The following TENM2 variants were observed in gnomAD, a reference collection of about 807,000 sequenced individuals.
TENM2 encodes teneurin-2.
Under a neutral mutation model 245.2 loss-of-function variants are expected in TENM2, and 52 were observed. The observed-to-expected ratio is 0.21, with a 90% confidence interval of 0.17 to 0.27. TENM2 has a LOEUF of 0.27. Ranked by LOEUF, TENM2 falls within the 10% of genes least tolerant of loss-of-function variation. The pLI, the probability that TENM2 is intolerant of heterozygous loss-of-function variation, is 1.00. For missense variants in TENM2, 3,046 were observed against 3,666.8 expected (o/e 0.83, Z 4.37); for synonymous variants, 1,363 against 1,438.9 (o/e 0.95, Z 1.19).
At chr5:167,393,836 G>A (rs1006050081) in intron 2 of TENM2, among the ~76,000 whole-genome samples, 2 of 152,228 alleles carry the variant, frequency 1.3e-5, no homozygotes, top group South Asian at 2.1e-4. Context: ...GGACAATAGC[G>A]GTAGGAAGAA....
chr5:168,258,228 G>A (rs1043213136), intron 27 of TENM2, among the ~76,000 whole-genome samples: 2 of 152,266 alleles, frequency 1.3e-5, no homozygotes, highest in Admixed American at 6.5e-5. Flanking sequence ...CAGGCCGGGT[G>A]CAGTGGCTCA....
chr5:168,074,464 C>G (rs1791287119), intron 7 of TENM2, among the ~76,000 whole-genome samples: 1 of 152,170 alleles, frequency 6.6e-6, no homozygotes, highest in African/African-American at 2.4e-5. Flanking sequence ...CACTGGCCTC[C>G]CGTCATGCAA....
the TENM2 span, among the ~76,000 whole-genome samples, chr5:167,196,381 T>A: frequency 1.3e-5 from 2 of 151,760 alleles, no homozygotes; most frequent in African/African-American, 4.8e-5. Flanking sequence ...CATCTATACC[T>A]CCATTCACTC....
chr5:167,743,583 A>G (rs1320911607), intron 2 of TENM2, among the ~76,000 whole-genome samples: 1 of 152,178 alleles, frequency 6.6e-6, no homozygotes, highest in Admixed American at 6.5e-5. Flanking sequence ...ACAATATGCA[A>G]TGGCAAACAC....
At chr5:167,007,175 A>T in the TENM2 span, among the ~76,000 whole-genome samples, 2 of 152,212 alleles carry the variant, frequency 1.3e-5, no homozygotes, top group African/African-American at 4.8e-5. This position sits in a 1 kb window ranked among gnomAD's most constrained non-coding sequence, Gnocchi z 4.2. Flanking sequence ...ATGATTTAAT[A>T]CACAGATTTC....
chr5:167,959,478 A>C (rs1026372176), intron 4 of TENM2, among the ~76,000 whole-genome samples: 2 of 151,996 alleles, frequency 1.3e-5, no homozygotes, highest in African/African-American at 4.8e-5. Context: ...CCTTTCTTCC[A>C]CTTAATCTAT....
At position 167,615,981 on chromosome 5, in the gene TENM2, G is replaced by C. The variant is rs116657160; in HGVS notation, c.502+240508G>C. ...TCATTCAAGAATAACCATGTAATCAGCTGAGCTTGCGAAGAATACACAATC... is the reference window on the plus strand; with the variant it reads ...TCATTCAAGAATAACCATGTAATCACCTGAGCTTGCGAAGAATACACAATC... On this transcript the variant is annotated intron_variant, in intron 2 of 28. Coordinates refer to ENST00000518659, the Ensembl canonical transcript of TENM2. 7.9e-3 allele frequency among the ~76,000 whole-genome samples: 1,199 copies of C among 152,244 alleles called. 17 individuals are homozygous for C. The highest frequency in any genetic ancestry group is 0.027 in the African/African-American group (1,133 of 41,552).
chr5:167,027,147 A>G, the TENM2 span, among the ~76,000 whole-genome samples: 1 of 152,210 alleles, frequency 6.6e-6, no homozygotes, highest in Non-Finnish European at 1.5e-5. Flanking sequence ...ATATGATTTT[A>G]TCCTTTGTAA....
At chr5:167,086,597 A>G in the TENM2 span, among the ~76,000 whole-genome samples, 1 of 151,962 alleles carries the variant, frequency 6.6e-6, no homozygotes, top group Admixed American at 6.6e-5. Flanking sequence ...ATTTTTTTAA[A>G]CGTAATTGGG....
intron 2 of TENM2, among the ~76,000 whole-genome samples, chr5:167,502,468 A>G (rs1213104234): frequency 6.6e-6 from 1 of 152,206 alleles, no homozygotes; most frequent in African/African-American, 2.4e-5. Context: ...CATTTTCTTT[A>G]ACTGCTATTT....
At chr5:167,891,312 G>A (rs1774738921) in intron 3 of TENM2, among the ~76,000 whole-genome samples, 1 of 152,112 alleles carries the variant, frequency 6.6e-6, no homozygotes, top group Non-Finnish European at 1.5e-5. Context: ...GTCTCCCTCT[G>A]TCACACAGGC....
chr5:167,227,273 T>C, the TENM2 span, among the ~76,000 whole-genome samples: 1 of 152,272 alleles, frequency 6.6e-6, no homozygotes, highest in East Asian at 1.9e-4. Flanking sequence ...TCTCTTAGTT[T>C]GTTATAGTAG....
intron 3 of TENM2, among the ~76,000 whole-genome samples, chr5:167,904,366 GA>G: frequency 6.6e-6 from 1 of 152,318 alleles, no homozygotes; most frequent in Non-Finnish European, 1.5e-5. Context: ...CATTGGTAAA[GA>G]AGGGATAAAG....
the TENM2 span, among the ~76,000 whole-genome samples, chr5:167,006,809 G>C: frequency 1.3e-5 from 2 of 152,200 alleles, no homozygotes; most frequent in African/African-American, 2.4e-5. Context: ...TGGGATTACA[G>C]GCATGTGCCA....
intron 2 of TENM2, among the ~76,000 whole-genome samples, chr5:167,746,321 T>C (rs1484276824): frequency 6.6e-6 from 1 of 152,200 alleles, no homozygotes; most frequent in Non-Finnish European, 1.5e-5. Context: ...GGACTTCATG[T>C]ACAAATATTC....
At chr5:167,596,256 A>G (rs1776201516) in intron 2 of TENM2, among the ~76,000 whole-genome samples, 1 of 152,202 alleles carries the variant, frequency 6.6e-6, no homozygotes, top group Admixed American at 6.5e-5. Flanking sequence ...CCTATTTTCT[A>G]GATGAAGGAA....
Position 167,754,534 on chromosome 5 carries a change from G to C in TENM2, c.503-121452G>C, listed in dbSNP as rs4869070. ...GAATGCGCACATGGTTTCAAATAAG[G>C]GTTTTCAGCCTTCTGAAACCAATTA... On this transcript the variant is annotated intron_variant, in intron 2 of 28. Transcript: ENST00000518659. 4.0e-3 allele frequency among the ~76,000 whole-genome samples: 606 copies of C among 152,012 alleles called. 30 individuals are homozygous for C. The East Asian group carries it at 0.079, about 20-fold the overall frequency.
chr5:167,504,326 C>T (rs1261062624), intron 2 of TENM2, among the ~76,000 whole-genome samples: 2 of 152,094 alleles, frequency 1.3e-5, no homozygotes, highest in South Asian at 4.1e-4. Flanking sequence ...TTAAATTGCT[C>T]CTACTACCAA....
At chr5:168,152,961 T>C (rs573967098) in intron 12 of TENM2, among the ~76,000 whole-genome samples, 13 of 152,322 alleles carry the variant, frequency 8.5e-5, no homozygotes, top group African/African-American at 3.1e-4. Context: ...GGGTGTGGCC[T>C]GTGGGAAGCT....
Sources: gnomAD v4.1 joint callset for allele counts (sites outside exome capture counted in the v4.1 genomes callset) on GRCh38, gnomAD v4.1.1 for gene constraint, Gnocchi (gnomAD v3.1) non-coding constraint, MANE v1.5 for transcripts, NCBI Gene and HGNC (gene_info 2026-07-23, HGNC 2026-07-21) for gene names.